The following STPG4 variants were observed in gnomAD, a reference collection of about 807,000 sequenced individuals.
The protein encoded by STPG4 is sperm-tail PG-rich repeat containing 4, also known as protein STPG4.
Under a neutral mutation model 31.5 loss-of-function variants are expected in STPG4, and 41 were observed. The ratio of observed to expected loss-of-function variants is 1.30; its 90% CI spans 1.01 to 1.69. The LOEUF is 1.69. Ranked by LOEUF, STPG4 falls within the 40% of genes most tolerant of loss-of-function variation. The probability of loss-of-function intolerance (pLI) is 0.00; values close to 1 mark genes in which losing one functional copy is unlikely to be tolerated. For missense variants in STPG4, 375 were observed against 293.4 expected (o/e 1.28, Z -2.03); for synonymous variants, 141 against 103.0 (o/e 1.37, Z -2.24).
chr2:47,096,028 C>T (rs1046818096), intron 5 of STPG4, among the ~76,000 whole-genome samples: 3 of 152,092 alleles, frequency 2.0e-5, no homozygotes, highest in African/African-American at 4.8e-5. Flanking sequence ...CCTAAACTGC[C>T]GACTGCAGAG....
At chr2:47,089,081 A>G (rs544915397) in intron 6 of STPG4, among the ~76,000 whole-genome samples, 2 of 152,304 alleles carry the variant, frequency 1.3e-5, no homozygotes, top group East Asian at 3.9e-4. Flanking sequence ...GAGAGACTCC[A>G]CCAATCAGTG....
chr2:47,098,160 C>T lies in STPG4; in HGVS notation c.520-7786G>A, dbSNP rs151018498. On this transcript the variant is annotated intron_variant, in intron 5 of 6. Transcript: ENST00000445927. The stretch of plus-strand genomic sequence containing the variant: ...TTACAGACAGGAGCAGATTAAAGCC[C>T]TTTGGGTGCTGGTCTTCCAGGCCTC... Among the ~76,000 whole-genome samples the T allele has an allele frequency of 5.6e-3, 853 of 152,298 alleles. 5 individuals carry two copies. The highest frequency in any genetic ancestry group is 0.019 in the African/African-American group (801 of 41,552).
intron 3 of STPG4, among the ~76,000 whole-genome samples, chr2:47,142,083 T>C (rs1686723669): frequency 6.6e-6 from 1 of 151,522 alleles, no homozygotes; most frequent in South Asian, 2.1e-4. Flanking sequence ...TTCTGCAAAT[T>C]AATCTATTTT....
chr2:47,131,188 G>A lies in STPG4; in HGVS notation c.400-928C>T, dbSNP rs980349955. Among the ~76,000 whole-genome samples the A allele has an allele frequency of 3.3e-4, 50 of 151,338 alleles. 1 individual carries two copies. The highest frequency in any genetic ancestry group is 2.1e-4 in the South Asian group (1 of 4,796). On this transcript the variant is annotated intron_variant, in intron 3 of 6. Transcript: ENST00000445927. ...GTTGCCCACGGTGGAGTGCAGTGGC[G>A]TGATCACAGCTCACTGAAGCCTCGA...
chr2:47,094,363 C>T (rs1274132719), intron 5 of STPG4, among the ~76,000 whole-genome samples: 2 of 152,180 alleles, frequency 1.3e-5, no homozygotes, highest in African/African-American at 4.8e-5. Flanking sequence ...AAAGAAACAA[C>T]AGGGAACCTT....
At chr2:47,095,920 G>GCC (rs1204025829) in intron 5 of STPG4, among the ~76,000 whole-genome samples, 3 of 152,152 alleles carry the variant, frequency 2.0e-5, no homozygotes, top group Non-Finnish European at 4.4e-5. Flanking sequence ...TGCCCACTGG[G>GCC]CCCCTGTTCC....
At chr2:47,107,889 C>T (rs1558675203) in intron 5 of STPG4, among the ~76,000 whole-genome samples, 1 of 152,178 alleles carries the variant, frequency 6.6e-6, no homozygotes, top group Non-Finnish European at 1.5e-5. Flanking sequence ...TCAATCCACA[C>T]TCTGTATCTA....
chr2:47,136,936 A>G (rs1686609327), intron 3 of STPG4, among the ~76,000 whole-genome samples: 1 of 152,220 alleles, frequency 6.6e-6, no homozygotes, highest in South Asian at 2.1e-4. Flanking sequence ...ATCTGTGAAC[A>G]AGGCAGTTCT....
At chr2:47,128,707 G>A (rs189095052) in intron 5 of STPG4, among the ~76,000 whole-genome samples, 304 of 152,200 alleles carry the variant, frequency 2.0e-3, no homozygotes, top group Non-Finnish European at 3.7e-3. Flanking sequence ...TGGCCCAGTG[G>A]GAGTCCAGAA....
intron 5 of STPG4, among the ~76,000 whole-genome samples, chr2:47,123,802 G>C (rs1269298003): frequency 5.3e-5 from 8 of 151,846 alleles, no homozygotes. Context: ...ATTTTATTTT[G>C]AAAAATGTTT....
At chr2:47,129,830 G>A in intron 5 of STPG4, 111 bp downstream of exon 5, 2 of 1,348,144 alleles carry the variant, frequency 1.5e-6, no homozygotes, top group Non-Finnish European at 2.0e-6. Flanking sequence ...GTTCCTGCTA[G>A]GGGGAACGAT....
intron 3 of STPG4, among the ~76,000 whole-genome samples, chr2:47,144,804 C>T (rs1433449814): frequency 1.3e-5 from 2 of 152,178 alleles, no homozygotes; most frequent in African/African-American, 4.8e-5. Flanking sequence ...AACCTCGGCT[C>T]ACTGCAACCT....
intron 5 of STPG4, among the ~76,000 whole-genome samples, chr2:47,114,237 G>C (rs1395892155): frequency 6.6e-6 from 1 of 152,034 alleles, no homozygotes; most frequent in African/African-American, 2.4e-5. Context: ...AGGTGTGGTG[G>C]CTCATACCTG....
intron 6 of STPG4, among the ~76,000 whole-genome samples, chr2:47,089,019 C>T (rs1444008831): frequency 6.6e-6 from 1 of 152,162 alleles, no homozygotes; most frequent in Non-Finnish European, 1.5e-5. Context: ...GATTTCACTG[C>T]CACCAACAAC....
intron 5 of STPG4, among the ~76,000 whole-genome samples, chr2:47,093,367 G>A (rs1481847967): frequency 6.6e-6 from 1 of 152,172 alleles, no homozygotes; most frequent in African/African-American, 2.4e-5. Context: ...TACTCACATT[G>A]AAGAAATCTA....
At chr2:47,099,747 G>A (rs1685750855) in intron 5 of STPG4, among the ~76,000 whole-genome samples, 1 of 152,258 alleles carries the variant, frequency 6.6e-6, no homozygotes, top group African/African-American at 2.4e-5. Flanking sequence ...GGCGCGAGTG[G>A]GAACCGGGGC....
chr2:47,126,289 C>G (rs942458055), intron 5 of STPG4, among the ~76,000 whole-genome samples: 5 of 151,096 alleles, frequency 3.3e-5, no homozygotes, highest in African/African-American at 1.2e-4. Flanking sequence ...CCTCTTCCTC[C>G]TCTTCCTCTT....
chr2:47,116,904 G>C (rs1369515364), intron 5 of STPG4, among the ~76,000 whole-genome samples: 1 of 152,148 alleles, frequency 6.6e-6, no homozygotes, highest in Non-Finnish European at 1.5e-5. Flanking sequence ...TTGCTGCAGT[G>C]AGTGAGAAAG....
At chr2:47,147,847 G>T (rs937006716) in intron 3 of STPG4, among the ~76,000 whole-genome samples, 1 of 151,998 alleles carries the variant, frequency 6.6e-6, no homozygotes, top group Non-Finnish European at 1.5e-5. Flanking sequence ...TAAGAAAAAG[G>T]TTATTAGAAA....
Sources: gnomAD v4.1 joint callset for allele counts (sites outside exome capture counted in the v4.1 genomes callset) on GRCh38, gnomAD v4.1.1 for gene constraint, MANE v1.5 for transcripts, NCBI Gene and HGNC (gene_info 2026-07-23, HGNC 2026-07-21) for gene names.